SULF2: variants seen among roughly 807,000 people sequenced by gnomAD.
SULF2 encodes the protein extracellular sulfatase Sulf-2.
In SULF2, 52 loss-of-function variants were observed where a neutral mutation model predicts 107.7. The observed-to-expected ratio is 0.48, with a 90% CI of 0.39 to 0.61. The LOEUF (loss-of-function observed/expected upper bound fraction) is 0.61. Ranked by LOEUF, SULF2 falls within the 20% of genes least tolerant of loss-of-function variation. The pLI is 0.00. For synonymous variants in SULF2, 460 were observed against 464.3 expected (o/e 0.99, Z 0.12); for missense variants, 993 against 1,177.3 (o/e 0.84, Z 2.29).
intron 3 of SULF2, among the ~76,000 whole-genome samples, chr20:47,710,445 G>A (rs1417152153): frequency 6.6e-6 from 1 of 151,822 alleles, no homozygotes; most frequent in African/African-American, 2.4e-5. Context: ...TGCTGTAGGG[G>A]GGTTTGTAGC....
At chr20:47,663,776 C>A (rs908703729) in intron 15 of SULF2, among the ~76,000 whole-genome samples, 154 bp from the exon 16 acceptor site, 8 of 152,222 alleles carry the variant, frequency 5.3e-5, no homozygotes, top group Admixed American at 5.2e-4. Flanking sequence ...CAGTGCTGCT[C>A]CAAGGCAGAG....
chr20:47,724,436 T>C (rs1053192679), intron 3 of SULF2, among the ~76,000 whole-genome samples: 3 of 152,188 alleles, frequency 2.0e-5, no homozygotes, highest in Non-Finnish European at 4.4e-5. Context: ...TGACTGGTTG[T>C]AGCAGGGCCA....
At chr20:47,703,934 A>T (rs1015580069) in intron 3 of SULF2, among the ~76,000 whole-genome samples, 31 of 152,238 alleles carry the variant, frequency 2.0e-4, no homozygotes, top group African/African-American at 5.8e-4. Flanking sequence ...ATATGACGTC[A>T]TCTATGTGAA....
chr20:47,760,545 C>G (rs201154062), intron 1 of SULF2, among the ~76,000 whole-genome samples: 1 of 152,152 alleles, frequency 6.6e-6, no homozygotes, highest in South Asian at 2.1e-4. Context: ...TCTTTGCTCC[C>G]TTTGCCCACC....
At chr20:47,693,771 G>A (rs985119732) in intron 4 of SULF2, among the ~76,000 whole-genome samples, 2 of 152,232 alleles carry the variant, frequency 1.3e-5, no homozygotes, top group African/African-American at 4.8e-5. Context: ...GGCTCAGGCC[G>A]GGGCAGGAAT....
chr20:47,783,145 A>G (rs2090861693), intron 1 of SULF2, among the ~76,000 whole-genome samples: 1 of 152,250 alleles, frequency 6.6e-6, no homozygotes, highest in Non-Finnish European at 1.5e-5. Flanking sequence ...GCTTAGATCA[A>G]TGCCTCAGAT....
intron 1 of SULF2, among the ~76,000 whole-genome samples, chr20:47,763,707 A>G (rs1056813113): frequency 2.6e-5 from 4 of 152,144 alleles, no homozygotes; most frequent in Non-Finnish European, 4.4e-5. Flanking sequence ...CTTTCACTTT[A>G]CAAATACGTA....
intron 4 of SULF2, among the ~76,000 whole-genome samples, chr20:47,700,474 A>G (rs1602677221): frequency 6.6e-6 from 1 of 152,136 alleles, no homozygotes; most frequent in Non-Finnish European, 1.5e-5. Flanking sequence ...AATGTTCTAC[A>G]TGTACTAACT....
At chr20:47,695,737 C>T (rs1482573326) in intron 4 of SULF2, among the ~76,000 whole-genome samples, 1 of 152,196 alleles carries the variant, frequency 6.6e-6, no homozygotes, top group East Asian at 1.9e-4. Context: ...CCTCAGCCTC[C>T]CAAGTAGCTG....
At chr20:47,723,342 A>G (rs1268016093) in intron 3 of SULF2, among the ~76,000 whole-genome samples, 1 of 152,196 alleles carries the variant, frequency 6.6e-6, no homozygotes, top group Non-Finnish European at 1.5e-5. Flanking sequence ...ATGGTCGAGA[A>G]TGAGAGGGTT....
chr20:47,708,984 G>C (rs1293557961), intron 3 of SULF2, among the ~76,000 whole-genome samples: 1 of 152,202 alleles, frequency 6.6e-6, no homozygotes, highest in Non-Finnish European at 1.5e-5. Context: ...CAGGGCTTCA[G>C]TCAGAGGCTT....
At position 47,709,228 on chromosome 20, in the gene SULF2, G is replaced by C. The variant is rs554445199; in HGVS notation, c.416-6558C>G. Among the ~76,000 whole-genome samples the C allele has an allele frequency of 9.2e-5, 14 of 152,256 alleles. No individual in the cohort carries two copies. In the South Asian group the frequency reaches 1.2e-3, roughly 14 times the overall value. On this transcript the variant is annotated intron_variant, in intron 3 of 20. Coordinates refer to ENST00000688720, the MANE Select transcript of SULF2 (RefSeq NM_001387048.1). The stretch of plus-strand genomic sequence containing the variant: ...GGAAGCTTGGATTCGCTGAGCTTTC[G>C]AGGCAAGGACAGCACAAGAGGAGGG...
In SULF2 at chr20:47,663,458, C is replaced by A; in HGVS notation, c.2222G>T (p.Trp741Leu). ...DNQHWQTAPF[W>L]TLGPFCACTS... is the part of the protein sequence containing the mutation. The stretch of plus-strand genomic sequence containing the variant: ...CCTGCCCTGGGCTTGCTCACGTGTC[C>A]AGAAAGGCGCCGTCTGCCAGTGCTG... Residue 741 changes from tryptophan to leucine, a missense_variant, in exon 16 of 21, where the codon TGG (tryptophan) becomes TTG (leucine). By Grantham distance (61) the Trp-to-Leu change is moderately conservative (BLOSUM62 -2). Around this residue, in one of 3 missense-constraint regions of SULF2, gnomAD observed 497 missense variants for 544.1 expected, o/e 0.91. Coordinates refer to ENST00000688720, the MANE Select transcript of SULF2 (RefSeq NM_001387048.1). 1 of 1,608,458 alleles carries A rather than the reference C, an allele frequency of 6.2e-7. No individual in the cohort carries two copies. The highest frequency in any genetic ancestry group is 8.5e-7 in the Non-Finnish European group (1 of 1,179,988).
intron 2 of SULF2, among the ~76,000 whole-genome samples, chr20:47,747,592 T>C (rs1445961097): frequency 6.6e-6 from 1 of 152,148 alleles, no homozygotes; most frequent in African/African-American, 2.4e-5. Flanking sequence ...TCACCATCCC[T>C]GGGAGGGGAT....
intron 2 of SULF2, among the ~76,000 whole-genome samples, chr20:47,754,818 G>A (rs1056854734): frequency 2.0e-5 from 3 of 152,196 alleles, no homozygotes; most frequent in South Asian, 2.1e-4. Flanking sequence ...AAGATCACGC[G>A]TTCTGGGTTC....
At position 47,683,271 on chromosome 20, in the gene SULF2, C is replaced by T. The variant is rs1294488305; in HGVS notation, c.889-102G>A. On this transcript the variant is annotated intron_variant, in intron 6 of 20. Coordinates refer to ENST00000688720, the MANE Select transcript of SULF2 (RefSeq NM_001387048.1). ...TTGAGATCTCAGGCCCCGTCCCTCC[C>T]CTGCTTCAGGTCTTTGCTCAACTTT... The T allele has an allele frequency of 8.2e-6, 10 of 1,224,714 alleles. No individual in the cohort carries two copies. In the Admixed American group the frequency reaches 2.1e-4, roughly 25 times the overall value. 75.9% of individuals were successfully genotyped at this position (1,224,714 alleles called of 1,614,324 possible). A position where few individuals can be genotyped will look rare whatever the true frequency, so the allele number is the denominator to read the frequency against.
intron 6 of SULF2, among the ~76,000 whole-genome samples, chr20:47,683,489 G>T (rs1316773234): frequency 6.6e-6 from 1 of 152,232 alleles, no homozygotes; most frequent in Non-Finnish European, 1.5e-5. Context: ...CCTGCCTGCT[G>T]TATCCCACGT....
intron 1 of SULF2, among the ~76,000 whole-genome samples, chr20:47,771,218 G>A (rs978805764): frequency 2.0e-5 from 3 of 152,132 alleles, no homozygotes; most frequent in African/African-American, 7.2e-5. Flanking sequence ...TGTGAGCCTC[G>A]GAAAGTCCTG....
Position 47,680,319 on chromosome 20 carries a change from T to C in SULF2, c.1065-1515A>G, listed in dbSNP as rs977430176. Among the ~76,000 whole-genome samples, 6 of 152,222 alleles carry C rather than the reference T, an allele frequency of 3.9e-5. No homozygotes were observed. Among genetic ancestry groups the C allele is most frequent in the African/African-American group, 1.4e-4 (6 of 41,460 alleles). On this transcript the variant is annotated intron_variant, in intron 7 of 20. Transcript: ENST00000688720. This position sits in a 1 kb window ranked among gnomAD's most constrained non-coding sequence, Gnocchi z 4.2. ...GGTTTCACCATGTTGGCCAGGCTAC[T>C]CTTGAACTCCTGACCTCAGGTGATA...
Sources: gnomAD v4.1 joint callset for allele counts (sites outside exome capture counted in the v4.1 genomes callset) on GRCh38, gnomAD v4.1.1 for gene constraint, gnomAD v4.1.1 regional missense constraint, Gnocchi (gnomAD v3.1) non-coding constraint, MANE v1.5 for transcripts, NCBI Gene and HGNC (gene_info 2026-07-23, HGNC 2026-07-21) for gene names.